The following GHR variants were observed in gnomAD, a reference collection of about 807,000 sequenced individuals.
GHR encodes the protein GH receptor.
GHR carries 35 observed loss-of-function variants against 67.1 expected under a neutral mutation model. The observed-to-expected ratio is 0.52, with a 90% CI of 0.40 to 0.69. The LOEUF (loss-of-function observed/expected upper bound fraction) is 0.69. Ranked by LOEUF, GHR falls within the 30% of genes least tolerant of loss-of-function variation. GHR has a pLI of 0.00. For missense variants in GHR, 792 were observed against 764.6 expected (o/e 1.04, Z -0.42); for synonymous variants, 272 against 269.1 (o/e 1.01, Z -0.10).
chr5:42,645,909 A>G (rs1754706777), intron 3 of GHR, among the ~76,000 whole-genome samples: 1 of 152,176 alleles, frequency 6.6e-6, no homozygotes, highest in Non-Finnish European at 1.5e-5. Context: ...TTTGCACCAT[A>G]TGCATCTGCT....
Position 42,694,967 on chromosome 5 carries a change from C to T in GHR, c.317C>T (p.Ser106Phe). Reference protein sequence around the residue: ...QEWKECPDYVSAGENSCYFNS... With the variant: ...QEWKECPDYVFAGENSCYFNS... ...TGGAAAGAATGCCCTGATTATGTTT[C>T]TGCTGGGGAAAACAGCTGTTACTTT... Residue 106 changes from serine to phenylalanine, a missense_variant, in exon 5 of 10, where the codon TCT becomes TTT. Physicochemically the swap from Ser to Phe is radical, Grantham distance 155. Transcript: ENST00000230882. 1 of 1,611,640 alleles carries T rather than the reference C, an allele frequency of 6.2e-7. No individual in the cohort carries two copies. The highest frequency in any genetic ancestry group is 8.5e-7 in the Non-Finnish European group (1 of 1,178,190).
At chr5:42,465,712 T>G in intron 1 of GHR, 1 of 900,168 alleles carries the variant, frequency 1.1e-6, no homozygotes, top group Admixed American at 1.7e-5. Context: ...AAAAAAAAGA[T>G]CTATCACTTC....
intron 2 of GHR, among the ~76,000 whole-genome samples, chr5:42,568,182 G>C (rs765427538): frequency 6.6e-6 from 1 of 152,080 alleles, no homozygotes; most frequent in Non-Finnish European, 1.5e-5. Context: ...GGATTTTCTT[G>C]CTTGGGCAGA....
At chr5:42,584,527 G>A (rs951550550) in intron 2 of GHR, among the ~76,000 whole-genome samples, 1 of 152,118 alleles carries the variant, frequency 6.6e-6, no homozygotes, top group African/African-American at 2.4e-5. Flanking sequence ...GACATAAACC[G>A]TGTGTGTGTT....
At chr5:42,679,162 T>C (rs898862630) in intron 3 of GHR, among the ~76,000 whole-genome samples, 4 of 145,596 alleles carry the variant, frequency 2.7e-5, no homozygotes, top group African/African-American at 5.0e-5. Context: ...TATTATATAT[T>C]AATTAATATA....
At chr5:42,568,083 T>C (rs910010076) in intron 2 of GHR, among the ~76,000 whole-genome samples, 2 of 152,144 alleles carry the variant, frequency 1.3e-5, no homozygotes, top group African/African-American at 2.4e-5. Flanking sequence ...GGGTAAGTGA[T>C]CTTGGAAGCA....
At chr5:42,492,576 T>C (rs574786604) in intron 1 of GHR, among the ~76,000 whole-genome samples, 251 of 152,324 alleles carry the variant, frequency 1.6e-3, no homozygotes, top group Middle Eastern at 0.01. Context: ...GTAAGGTTAT[T>C]ATATGTGAAA....
At chr5:42,660,706 C>T (rs968198428) in intron 3 of GHR, among the ~76,000 whole-genome samples, 4 of 152,182 alleles carry the variant, frequency 2.6e-5, no homozygotes, top group Non-Finnish European at 5.9e-5. Flanking sequence ...CAGAGCACCT[C>T]TCCTCCTCCA....
At chr5:42,530,133 A>G (rs1465689066) in intron 1 of GHR, among the ~76,000 whole-genome samples, 3 of 148,584 alleles carry the variant, frequency 2.0e-5, no homozygotes, top group Non-Finnish European at 4.4e-5. Context: ...TGTACATTTT[A>G]TAATGATCAC....
At chr5:42,548,042 C>G (rs948453922) in intron 1 of GHR, 2 of 976,262 alleles carry the variant, frequency 2.0e-6, no homozygotes, top group African/African-American at 3.5e-5. Flanking sequence ...TAACGCTTAG[C>G]CCTCTTCTCA....
Position 42,630,772 on chromosome 5 carries a change from T to C in GHR, c.136+1669T>C, listed in dbSNP as rs960162569. Reference sequence around the variant, plus strand: ...GAAATGAGAAGTAATCAGTTGAAAATGTGTTACTAATGGTACATGCTTCAC... The same window carrying C: ...GAAATGAGAAGTAATCAGTTGAAAACGTGTTACTAATGGTACATGCTTCAC... On this transcript the variant is annotated intron_variant, in intron 3 of 9. Transcript: ENST00000230882. 2.3e-5 allele frequency among the ~76,000 whole-genome samples: 3 copies of C among 132,040 alleles called. 1 individual carries two copies. Among genetic ancestry groups the C allele is most frequent in the African/African-American group, 9.6e-5 (3 of 31,388 alleles). The allele number at this position is 132,040 out of a possible 152,430, so 86.6% of individuals were successfully genotyped here.
rs1554054590 is a variant in GHR at position 42,474,303 on chromosome 5, A to AAGAAAGAAAGAAAG, written c.-12+50350_-12+50363dup. Among the ~76,000 whole-genome samples the AAGAAAGAAAGAAAG allele has an allele frequency of 2.9e-5, 4 of 135,680 alleles. 1 individual carries two copies. Among genetic ancestry groups the AAGAAAGAAAGAAAG allele is most frequent in the Non-Finnish European group, 4.8e-5 (3 of 61,916 alleles). 89.0% of individuals were successfully genotyped at this position (135,680 alleles called of 152,430 possible). A position where few individuals can be genotyped will look rare whatever the true frequency, so the allele number is the denominator to read the frequency against. ...AGAAAGAAAAAGAGAAAGAGAAAGA[A>AAGAAAGAAAGAAAG]AGAAAGAAAGAAAGAAAGAAAGAAA... On this transcript the variant is annotated intron_variant, in intron 1 of 9. Transcript: ENST00000230882.
chr5:42,459,977 C>T (rs767666319), intron 1 of GHR, among the ~76,000 whole-genome samples: 4 of 152,148 alleles, frequency 2.6e-5, no homozygotes, highest in African/African-American at 7.2e-5. Flanking sequence ...CAGGTTGAAG[C>T]CCTAACCTCC....
At chr5:42,700,026 C>CTT in intron 6 of GHR, 24 bp downstream of exon 6, 3 of 1,456,616 alleles carry the variant, frequency 2.1e-6, no homozygotes, top group Non-Finnish European at 2.9e-6. Flanking sequence ...ACACCTTACA[C>CTT]TTTGACTTTT....
chr5:42,650,599 A>ATATATATG (rs1351157808), intron 3 of GHR, among the ~76,000 whole-genome samples: 1 of 146,358 alleles, frequency 6.8e-6, no homozygotes, highest in South Asian at 2.1e-4. Context: ...ATATATATAT[A>ATATATATG]TATGTATGTC....
At chr5:42,457,024 G>A (rs772928384) in intron 1 of GHR, among the ~76,000 whole-genome samples, 5 of 152,162 alleles carry the variant, frequency 3.3e-5, no homozygotes, top group Non-Finnish European at 5.9e-5. Context: ...GTTGGGATGT[G>A]ACTGGCTTTC....
chr5:42,695,114 T>C (rs955615840), intron 5 of GHR, 25 bp downstream of exon 5: 1 of 1,541,048 alleles, frequency 6.5e-7, no homozygotes, highest in African/African-American at 1.4e-5. Flanking sequence ...TTTGTTTCAT[T>C]TGACATAGTT....
intron 1 of GHR, among the ~76,000 whole-genome samples, chr5:42,564,325 T>A (rs6863914): frequency 0.032 from 1,478 of 45,840 alleles, 27 homozygotes; most frequent in African/African-American, 0.058. Flanking sequence ...AATCTCACAA[T>A]GTGTGAGATT....
At chr5:42,467,722 G>C (rs1744798662) in intron 1 of GHR, 2 of 1,568,532 alleles carry the variant, frequency 1.3e-6, no homozygotes, top group African/African-American at 1.4e-5. Flanking sequence ...ACATTCAAAA[G>C]GTTTCTCCCC....
Sources: gnomAD v4.1 joint callset for allele counts (sites outside exome capture counted in the v4.1 genomes callset) on GRCh38, gnomAD v4.1.1 for gene constraint, MANE v1.5 for transcripts, NCBI Gene and HGNC (gene_info 2026-07-23, HGNC 2026-07-21) for gene names.